The following ASTN1 variants were observed in gnomAD, a reference collection of about 807,000 sequenced individuals.
ASTN1 encodes astrotactin 1.
In ASTN1, 41 loss-of-function variants were observed where a neutral mutation model predicts 140.7. That is an observed-to-expected ratio of 0.29 (90% CI 0.23 to 0.38). The LOEUF is 0.38. Ranked by LOEUF, ASTN1 falls within the 10% of genes least tolerant of loss-of-function variation. The pLI, the probability that ASTN1 is intolerant of heterozygous loss-of-function variation, is 1.00. For missense variants in ASTN1, 1,479 were observed against 1,678.8 expected, an observed-to-expected ratio of 0.88 and a Z score of 2.08; for synonymous variants, 640 against 652.2, an observed-to-expected ratio of 0.98 and a Z score of 0.29.
At chr1:177,131,795 G>A (rs956267627) in intron 1 of ASTN1, among the ~76,000 whole-genome samples, 3 of 152,282 alleles carry the variant, frequency 2.0e-5, no homozygotes, top group Admixed American at 2.0e-4. Flanking sequence ...TGCATCTGGT[G>A]AGAGCCTCAG....
chr1:176,959,720 TGGTA>T (rs1672572414), intron 9 of ASTN1, among the ~76,000 whole-genome samples: 1 of 152,154 alleles, frequency 6.6e-6, no homozygotes, highest in South Asian at 2.1e-4. Flanking sequence ...GCAGAGCCAC[TGGTA>T]GGAGGGAAGT....
At chr1:176,978,627 G>T (rs1673470382) in intron 8 of ASTN1, among the ~76,000 whole-genome samples, 1 of 152,166 alleles carries the variant, frequency 6.6e-6, no homozygotes, top group South Asian at 2.1e-4. Context: ...TTATGTGTGT[G>T]GGGGTAAGGG....
intron 1 of ASTN1, among the ~76,000 whole-genome samples, chr1:177,153,126 AG>A (rs1683108693): frequency 6.6e-6 from 1 of 152,138 alleles, no homozygotes. Context: ...CCTGGGTTGT[AG>A]GGGTGGATGC....
intron 1 of ASTN1, among the ~76,000 whole-genome samples, chr1:177,129,607 C>A (rs1230327796): frequency 6.6e-6 from 1 of 152,206 alleles, no homozygotes; most frequent in Non-Finnish European, 1.5e-5. Context: ...ACTTAACATT[C>A]TTGAGACCCA....
At chr1:177,003,923 A>G (rs540952267) in intron 8 of ASTN1, among the ~76,000 whole-genome samples, 1 of 152,192 alleles carries the variant, frequency 6.6e-6, no homozygotes, top group South Asian at 2.1e-4. Flanking sequence ...CAAGACAAGT[A>G]TTCCCACTTT....
rs558524979 is a variant in ASTN1 at position 177,161,755 on chromosome 1, A to AT, written c.283+2638dup. Among the ~76,000 whole-genome samples, 1,433 of 150,462 alleles carry AT rather than the reference A, an allele frequency of 9.5e-3. 23 individuals carry two copies. Among genetic ancestry groups the AT allele is most frequent in the African/African-American group, 0.031 (1,265 of 41,034 alleles). On this transcript the variant is annotated intron_variant, in intron 1 of 22. Transcript: ENST00000361833. ...AAGCTTGTTTTTCTTGTTGTTTGTA[A>AT]TTTTTTTTTTCACTCAAAGGAGTGA...
At chr1:176,972,578 A>G (rs1405767585) in intron 8 of ASTN1, among the ~76,000 whole-genome samples, 1 of 152,076 alleles carries the variant, frequency 6.6e-6, no homozygotes, top group Non-Finnish European at 1.5e-5. Flanking sequence ...AGTTCACTGT[A>G]GCCTCTAATT....
intron 8 of ASTN1, among the ~76,000 whole-genome samples, chr1:177,000,356 C>T (rs1366424627): frequency 5.9e-5 from 9 of 152,172 alleles, no homozygotes; most frequent in Non-Finnish European, 1.3e-4. Flanking sequence ...TCCTGGGCAA[C>T]ATAGTCTAAA....
rs866415509 is a variant in ASTN1 at position 176,888,012 on chromosome 1, T to G, written c.3074+59A>C. On this transcript the variant is annotated intron_variant, in intron 18 of 22. Coordinates refer to ENST00000361833, the MANE Select transcript of ASTN1 (RefSeq NM_004319.3). ...AGTACCCAGCCTATTTCTTTGCAAA[T>G]AGTAGACGCTCATTATCTGTTTCCA... 3.1e-6 allele frequency: 5 copies of G among 1,604,966 alleles called. No individual in the cohort carries two copies. In the African/African-American group the frequency reaches 6.7e-5, roughly 21 times the overall value.
chr1:177,094,115 A>C (rs1452297302), intron 1 of ASTN1, among the ~76,000 whole-genome samples: 2 of 152,226 alleles, frequency 1.3e-5, no homozygotes, highest in African/African-American at 4.8e-5. Context: ...TTGTCATTTC[A>C]GATTGCTACA....
chr1:177,141,752 C>T (rs562834903), intron 1 of ASTN1, among the ~76,000 whole-genome samples: 1 of 152,204 alleles, frequency 6.6e-6, no homozygotes, highest in Non-Finnish European at 1.5e-5. Flanking sequence ...TTATCTCTGT[C>T]TCTTAGCTGG....
At chr1:176,938,302 G>A (rs1406927984) in intron 14 of ASTN1, among the ~76,000 whole-genome samples, 1 of 152,174 alleles carries the variant, frequency 6.6e-6, no homozygotes, top group Non-Finnish European at 1.5e-5. Context: ...CATCTATGTA[G>A]AACTATTTAA....
chr1:177,147,639 T>C (rs1454819464), intron 1 of ASTN1, among the ~76,000 whole-genome samples: 1 of 152,092 alleles, frequency 6.6e-6, no homozygotes, highest in Non-Finnish European at 1.5e-5. Context: ...TCCTGAAGTA[T>C]GAAGTGGAGG....
chr1:177,056,274 A>T (rs899914207), intron 2 of ASTN1, among the ~76,000 whole-genome samples: 1 of 152,160 alleles, frequency 6.6e-6, no homozygotes, highest in African/African-American at 2.4e-5. Flanking sequence ...GGACTGTATA[A>T]TGGCACCTGC....
intron 22 of ASTN1, 172 bp downstream of exon 22, chr1:176,868,672 T>C: frequency 1.6e-6 from 1 of 626,196 alleles, no homozygotes; most frequent in Non-Finnish European, 2.4e-6. Context: ...TAAATAGAGC[T>C]TATCCAAAAC....
intron 2 of ASTN1, among the ~76,000 whole-genome samples, chr1:177,037,241 A>G (rs1201871794): frequency 6.6e-6 from 1 of 152,196 alleles, no homozygotes; most frequent in East Asian, 1.9e-4. Context: ...GGGCAGATGG[A>G]ATGGAAAGAA....
chr1:177,051,599 C>A (rs1375900971), intron 2 of ASTN1, among the ~76,000 whole-genome samples: 3 of 152,142 alleles, frequency 2.0e-5, no homozygotes, highest in African/African-American at 7.2e-5. Flanking sequence ...TTTACTATAC[C>A]TAAATCTAAT....
chr1:177,027,819 C>T (rs1323344164), intron 5 of ASTN1, among the ~76,000 whole-genome samples: 1 of 147,924 alleles, frequency 6.8e-6, no homozygotes, highest in Non-Finnish European at 1.5e-5. Flanking sequence ...TCCTTTTTTG[C>T]CTCCCATTGC....
chr1:176,901,939 T>G (rs1361361817), intron 16 of ASTN1, among the ~76,000 whole-genome samples: 1 of 152,218 alleles, frequency 6.6e-6, no homozygotes, highest in African/African-American at 2.4e-5. Flanking sequence ...TGTTCCAAAA[T>G]TAAGGTTACT....
Sources: gnomAD v4.1 joint callset for allele counts (sites outside exome capture counted in the v4.1 genomes callset) on GRCh38, gnomAD v4.1.1 for gene constraint, MANE v1.5 for transcripts, NCBI Gene and HGNC (gene_info 2026-07-23, HGNC 2026-07-21) for gene names.